The following TDRD3 variants were observed in gnomAD, a reference collection of about 807,000 sequenced individuals.
TDRD3 encodes the protein tudor domain-containing protein 3.
A neutral mutation model predicts 86.7 loss-of-function variants in TDRD3; 45 were observed. The ratio of observed to expected loss-of-function variants is 0.52; its 90% CI spans 0.41 to 0.67. TDRD3 has a LOEUF of 0.67. Among genes scored for constraint, TDRD3 ranks in the 30% least tolerant of loss-of-function variants. TDRD3 has a pLI of 0.00. For missense variants in TDRD3, 814 were observed against 889.0 expected (o/e 0.92, Z 1.07); for synonymous variants, 298 against 301.7 (o/e 0.99, Z 0.13).
At chr13:60,566,023 A>T (rs1412938843) in intron 12 of TDRD3, among the ~76,000 whole-genome samples, 1 of 152,228 alleles carries the variant, frequency 6.6e-6, no homozygotes, top group Non-Finnish European at 1.5e-5. Context: ...TTATTTAATT[A>T]TACCAGATAT....
intron 7 of TDRD3, among the ~76,000 whole-genome samples, chr13:60,487,375 C>A (rs1167884729): frequency 6.6e-6 from 1 of 152,054 alleles, no homozygotes; most frequent in Non-Finnish European, 1.5e-5. Flanking sequence ...ACTCAAGAGG[C>A]AGAGGCAAGA....
intron 8 of TDRD3, among the ~76,000 whole-genome samples, chr13:60,502,703 C>CA (rs1316753040): frequency 2.0e-5 from 3 of 152,128 alleles, no homozygotes; most frequent in African/African-American, 7.2e-5. Flanking sequence ...TAGAAAGTGA[C>CA]ATTCTTTACT....
At position 60,528,645 on chromosome 13, in the gene TDRD3, T is replaced by C; in HGVS notation, c.1420T>C (p.Tyr474His). 1 of 1,613,974 alleles carries C rather than the reference T, an allele frequency of 6.2e-7. No homozygotes were observed. The highest frequency in any genetic ancestry group is 8.5e-7 in the Non-Finnish European group (1 of 1,179,918). The change falls in exon 11 of 14, where the codon TAT (tyrosine) becomes CAT (histidine). Residue 474 changes from tyrosine (Y) to histidine (H), a missense_variant. Tyr to His is a moderately conservative substitution (Grantham distance 83). Coordinates refer to ENST00000377881, the MANE Select transcript of TDRD3 (RefSeq NM_001146070.2). Reference protein sequence around the residue: ...AEDRIKCDRPYSRYDRTKDTS... With the variant: ...AEDRIKCDRPHSRYDRTKDTS... ...AGACAGAATCAAATGTGATAGACCG[T>C]ATTCTAGATATGACAGAACTAAAGA... is the stretch of plus-strand genomic sequence containing the variant.
At chr13:60,505,358 G>A (rs967669996) in intron 8 of TDRD3, among the ~76,000 whole-genome samples, 4 of 152,188 alleles carry the variant, frequency 2.6e-5, no homozygotes, top group African/African-American at 7.2e-5. Context: ...CCGCAGCTTG[G>A]CAAATCTGCT....
chr13:60,554,403 T>C (rs1958139961), intron 12 of TDRD3, among the ~76,000 whole-genome samples: 1 of 152,328 alleles, frequency 6.6e-6, no homozygotes, highest in African/African-American at 2.4e-5. Flanking sequence ...GAGCCTTAAT[T>C]AATAATCTCC....
chr13:60,536,673 C>T (rs908764946), intron 12 of TDRD3: 3 of 152,036 alleles, frequency 2.0e-5, no homozygotes, highest in Non-Finnish European at 4.4e-5. Context: ...ATGTTATTTA[C>T]TTCTTACTTT....
chr13:60,565,428 G>A (rs181601322), intron 12 of TDRD3, among the ~76,000 whole-genome samples: 79 of 152,238 alleles, frequency 5.2e-4, no homozygotes, highest in African/African-American at 1.9e-3. Flanking sequence ...TATGAGTTAC[G>A]TGAAAGAAAT....
chr13:60,422,871 GAA>G (rs1227016438), intron 1 of TDRD3, among the ~76,000 whole-genome samples: 3 of 152,068 alleles, frequency 2.0e-5, no homozygotes, highest in Admixed American at 6.6e-5. Flanking sequence ...CAAAACAATT[GAA>G]AAGAGCTGAT....
chr13:60,539,312 G>GT (rs1479701101), intron 12 of TDRD3, among the ~76,000 whole-genome samples: 7 of 152,022 alleles, frequency 4.6e-5, no homozygotes, highest in African/African-American at 1.4e-4. Context: ...GAAAGTCATA[G>GT]TTTTTATTAT....
chr13:60,505,709 CAT>C (rs1299482153), intron 8 of TDRD3, among the ~76,000 whole-genome samples: 1 of 152,156 alleles, frequency 6.6e-6, no homozygotes, highest in Non-Finnish European at 1.5e-5. Flanking sequence ...AATTGAAAAA[CAT>C]AGCACGAGAA....
At chr13:60,448,224 T>TGAATCTAA (rs1955453241) in intron 3 of TDRD3, among the ~76,000 whole-genome samples, 1 of 152,096 alleles carries the variant, frequency 6.6e-6, no homozygotes, top group Non-Finnish European at 1.5e-5. Context: ...AGATTGTAAG[T>TGAATCTAA]CTGCAGTTAG....
intron 1 of TDRD3, among the ~76,000 whole-genome samples, chr13:60,425,260 G>A (rs1954772444): frequency 6.6e-6 from 1 of 152,130 alleles, no homozygotes; most frequent in Admixed American, 6.5e-5. Flanking sequence ...GTATGAAAAG[G>A]TGCTCAAGAT....
intron 1 of TDRD3, among the ~76,000 whole-genome samples, chr13:60,418,045 T>C (rs1204985107): frequency 6.6e-6 from 1 of 152,216 alleles, no homozygotes; most frequent in Non-Finnish European, 1.5e-5. Flanking sequence ...GAGTTATCTA[T>C]AAAGGTTGTC....
chr13:60,530,656 T>C (rs1242963021), intron 11 of TDRD3, among the ~76,000 whole-genome samples: 1 of 151,456 alleles, frequency 6.6e-6, no homozygotes, highest in African/African-American at 2.4e-5. Context: ...GGTTTCACCA[T>C]GTTGGCCAGG....
At chr13:60,522,847 A>T (rs773239265) in intron 10 of TDRD3, among the ~76,000 whole-genome samples, 3 of 152,208 alleles carry the variant, frequency 2.0e-5, no homozygotes, top group Admixed American at 6.5e-5. Context: ...TACAGGTGAT[A>T]AAATTGAAGG....
At chr13:60,545,137 A>G (rs1957910859) in intron 12 of TDRD3, among the ~76,000 whole-genome samples, 1 of 152,172 alleles carries the variant, frequency 6.6e-6, no homozygotes, top group Non-Finnish European at 1.5e-5. Flanking sequence ...AGGATATAAG[A>G]GAAGTAGAAG....
intron 12 of TDRD3, among the ~76,000 whole-genome samples, chr13:60,542,503 A>G (rs1284298179): frequency 1.3e-5 from 2 of 152,322 alleles, no homozygotes; most frequent in African/African-American, 2.4e-5. Flanking sequence ...ATCTGCATCT[A>G]AAAAAGCAGA....
At chr13:60,427,654 C>CACTG (rs1335267137) in intron 1 of TDRD3, among the ~76,000 whole-genome samples, 2 of 152,044 alleles carry the variant, frequency 1.3e-5, no homozygotes, top group African/African-American at 4.8e-5. Context: ...TAAGAAGGGC[C>CACTG]ACTGACACTC....
chr13:60,511,673 G>A (rs181221858), intron 10 of TDRD3, among the ~76,000 whole-genome samples: 13 of 152,178 alleles, frequency 8.5e-5, no homozygotes, highest in South Asian at 4.2e-4. Flanking sequence ...TGGTTGGAGC[G>A]GTGATGTTAT....
Sources: gnomAD v4.1 joint callset for allele counts (sites outside exome capture counted in the v4.1 genomes callset) on GRCh38, gnomAD v4.1.1 for gene constraint, MANE v1.5 for transcripts, NCBI Gene and HGNC (gene_info 2026-07-23, HGNC 2026-07-21) for gene names.